DPP10: variants seen among roughly 807,000 people sequenced by gnomAD.
DPP10 encodes dipeptidyl peptidase like 10, also known as inactive dipeptidyl peptidase 10.
DPP10 carries 33 observed loss-of-function variants against 120.9 expected under a neutral mutation model. That is an observed-to-expected ratio of 0.27 (90% CI 0.21 to 0.37). The LOEUF (loss-of-function observed/expected upper bound fraction) is 0.37, where lower values mean the gene tolerates loss of function less well. Among genes scored for constraint, DPP10 ranks in the 10% least tolerant of loss-of-function variants. The pLI is 1.00. For synonymous variants in DPP10, 337 were observed against 326.1 expected (o/e 1.03, Z -0.36); for missense variants, 816 against 942.8 (o/e 0.87, Z 1.76).
intron 3 of DPP10, among the ~76,000 whole-genome samples, chr2:115,370,283 G>T (rs2065322660): frequency 6.6e-6 from 1 of 151,890 alleles, no homozygotes; most frequent in African/African-American, 2.4e-5. Flanking sequence ...TTACTTACTT[G>T]AAGGTCAGTC....
At chr2:115,560,937 C>A (rs1255515296) in intron 5 of DPP10, among the ~76,000 whole-genome samples, 1 of 152,042 alleles carries the variant, frequency 6.6e-6, no homozygotes, top group African/African-American at 2.4e-5. Context: ...CACTCACTTT[C>A]AAGTGAAAGT....
chr2:114,743,406 C>A (rs1265219201), intron 1 of DPP10, among the ~76,000 whole-genome samples: 3 of 108,608 alleles, frequency 2.8e-5, no homozygotes, highest in Non-Finnish European at 5.4e-5. Context: ...ATATCCATAC[C>A]CTTGCATGGA....
At chr2:114,886,271 A>G (rs1692060743) in intron 1 of DPP10, among the ~76,000 whole-genome samples, 1 of 152,188 alleles carries the variant, frequency 6.6e-6, no homozygotes, top group Non-Finnish European at 1.5e-5. Context: ...TCTACCTTCA[A>G]TTTTAACTCT....
At chr2:114,828,629 A>C (rs1686777776) in intron 1 of DPP10, 1 of 152,232 alleles carries the variant, frequency 6.6e-6, no homozygotes, top group Non-Finnish European at 1.5e-5. Context: ...TACATAAAAC[A>C]ACACAAGTAC....
intron 1 of DPP10, among the ~76,000 whole-genome samples, chr2:114,446,046 G>A (rs1217154806): frequency 1.3e-5 from 2 of 152,174 alleles, no homozygotes; most frequent in Non-Finnish European, 1.5e-5. Flanking sequence ...ACTCTGAGAT[G>A]TTTAATGGAA....
At chr2:115,677,064 C>T (rs2090323170) in intron 5 of DPP10, among the ~76,000 whole-genome samples, 1 of 152,044 alleles carries the variant, frequency 6.6e-6, no homozygotes, top group African/African-American at 2.4e-5. Context: ...AATTACCTTC[C>T]AGCCAGAAAT....
chr2:114,944,789 AT>A (rs1043372068), intron 1 of DPP10, among the ~76,000 whole-genome samples: 1 of 152,048 alleles, frequency 6.6e-6, no homozygotes, highest in African/African-American at 2.4e-5. Context: ...TAGCTACAGG[AT>A]TTTTTTTGTT....
At chr2:115,064,792 A>G (rs1367133431) in intron 1 of DPP10, 20 of 1,304,098 alleles carry the variant, frequency 1.5e-5, no homozygotes, top group Admixed American at 4.6e-5. Context: ...GGACCAGTAG[A>G]TGGTTCTGAA....
At chr2:114,700,901 C>T (rs1319605509) in intron 1 of DPP10, among the ~76,000 whole-genome samples, 3 of 152,068 alleles carry the variant, frequency 2.0e-5, no homozygotes, top group African/African-American at 7.2e-5. Flanking sequence ...TTTTGGTGAG[C>T]TGTGCTGGCT....
intron 5 of DPP10, among the ~76,000 whole-genome samples, chr2:115,682,381 A>G (rs2090721196): frequency 6.6e-6 from 1 of 151,898 alleles, no homozygotes; most frequent in South Asian, 2.1e-4. Context: ...AGTTTACTCA[A>G]GAGTGTAGTA....
intron 1 of DPP10, among the ~76,000 whole-genome samples, chr2:114,496,011 C>T (rs1682485243): frequency 6.6e-6 from 1 of 152,092 alleles, no homozygotes; most frequent in Non-Finnish European, 1.5e-5. Flanking sequence ...AGTCAGTGTC[C>T]AGTCAGGAAA....
intron 1 of DPP10, among the ~76,000 whole-genome samples, chr2:114,674,146 C>T (rs1407663841): frequency 6.6e-6 from 1 of 151,868 alleles, no homozygotes; most frequent in Non-Finnish European, 1.5e-5. Flanking sequence ...TTTACATGAT[C>T]CTATCCTCAT....
chr2:114,634,788 A>T lies in DPP10; in HGVS notation c.60+191950A>T, dbSNP rs1695189021. Among the ~76,000 whole-genome samples, 2 of 151,968 alleles carry T rather than the reference A, an allele frequency of 1.3e-5. 1 individual carries two copies. Among genetic ancestry groups the T allele is most frequent in the African/African-American group, 4.9e-5 (2 of 41,204 alleles). ...ACCCATTATTATAACTAGTAAAACTATAATAGTACGACTCATACAGAAGAA... is the reference window on the plus strand; with the variant it reads ...ACCCATTATTATAACTAGTAAAACTTTAATAGTACGACTCATACAGAAGAA... On this transcript the variant is annotated intron_variant, in intron 1 of 25. Coordinates refer to ENST00000410059, the MANE Select transcript of DPP10 (RefSeq NM_020868.6).
chr2:114,711,537 T>C (rs1701030331), intron 1 of DPP10, among the ~76,000 whole-genome samples: 1 of 152,334 alleles, frequency 6.6e-6, no homozygotes, highest in Non-Finnish European at 1.5e-5. Flanking sequence ...TAATAGAATG[T>C]ACTCATAAGA....
At position 115,415,795 on chromosome 2, in the gene DPP10, T is replaced by A. The variant is rs12476869; in HGVS notation, c.271+71883T>A. On this transcript the variant is annotated intron_variant, in intron 3 of 25. Transcript: ENST00000410059. ...TCTTGGCTTTATATCAGTGGAAAAATAAATCAGATTATGTAGATAGATCTG... is the reference window on the plus strand; with the variant it reads ...TCTTGGCTTTATATCAGTGGAAAAAAAAATCAGATTATGTAGATAGATCTG... Among the ~76,000 whole-genome samples the A allele has an allele frequency of 1.3e-4, 19 of 141,526 alleles. No individual in the cohort carries two copies. The South Asian group carries it at 4.3e-3, about 32-fold the overall frequency. 92.8% of individuals were successfully genotyped at this position (141,526 alleles called of 152,430 possible). A position where few individuals can be genotyped will look rare whatever the true frequency, so the allele number is the denominator to read the frequency against.
chr2:114,799,515 T>A (rs1226160947), intron 1 of DPP10, among the ~76,000 whole-genome samples: 3 of 152,246 alleles, frequency 2.0e-5, no homozygotes, highest in Admixed American at 2.0e-4. Flanking sequence ...GTATGTTTTC[T>A]TTCAAGTTTC....
intron 2 of DPP10, among the ~76,000 whole-genome samples, chr2:115,332,808 G>C (rs1174904619): frequency 1.3e-5 from 2 of 152,072 alleles, no homozygotes; most frequent in South Asian, 2.1e-4. Context: ...TATAATTTCT[G>C]TTCTTTTACA....
At chr2:114,835,292 C>T (rs1433065833) in intron 1 of DPP10, 3 of 150,534 alleles carry the variant, frequency 2.0e-5, no homozygotes, top group South Asian at 2.1e-4. Flanking sequence ...ATCTACACAC[C>T]TATGTATATA....
At chr2:114,970,689 T>A (rs1699335446) in intron 1 of DPP10, among the ~76,000 whole-genome samples, 1 of 152,356 alleles carries the variant, frequency 6.6e-6, no homozygotes, top group South Asian at 2.1e-4. Context: ...ATGATGTATC[T>A]AAAGCATCTT....
Sources: allele counts gnomAD v4.1 joint callset (sites outside exome capture counted in the v4.1 genomes callset), GRCh38; gene constraint gnomAD v4.1.1; transcripts MANE v1.5; gene names NCBI Gene and HGNC (gene_info 2026-07-23, HGNC 2026-07-21).